TESK2: variants seen among roughly 807,000 people sequenced by gnomAD.
TESK2 encodes dual specificity testis-specific protein kinase 2.
In TESK2, 39 loss-of-function variants were observed where a neutral mutation model predicts 57.1. The ratio of observed to expected loss-of-function variants is 0.68; its 90% confidence interval spans 0.53 to 0.89. The LOEUF (loss-of-function observed/expected upper bound fraction) is 0.89, where lower values mean the gene tolerates loss of function less well. TESK2 is among the 40% of genes least tolerant of loss of function. The probability of loss-of-function intolerance (pLI) is 0.00; values close to 1 mark genes in which losing one functional copy is unlikely to be tolerated. For synonymous variants in TESK2, 249 were observed against 267.9 expected (o/e 0.93, Z 0.69); for missense variants, 646 against 732.1 (o/e 0.88, Z 1.36).
intron 2 of TESK2, among the ~76,000 whole-genome samples, chr1:45,426,533 T>C (rs937745924): frequency 7.9e-5 from 12 of 152,172 alleles, no homozygotes; most frequent in African/African-American, 2.9e-4. Flanking sequence ...AACTCTCCCA[T>C]TGGTCTGCAA....
At chr1:45,446,415 C>T (rs1257217356) in intron 2 of TESK2, among the ~76,000 whole-genome samples, 2 of 151,876 alleles carry the variant, frequency 1.3e-5, no homozygotes, top group Admixed American at 6.6e-5. Context: ...GAGCTATGAT[C>T]GTACTACTGC....
chr1:45,420,175 A>G (rs1365356704), intron 3 of TESK2, among the ~76,000 whole-genome samples: 3 of 152,190 alleles, frequency 2.0e-5, no homozygotes, highest in Non-Finnish European at 4.4e-5. Flanking sequence ...GGTGGATCAC[A>G]CCTGTAATCC....
intron 3 of TESK2, among the ~76,000 whole-genome samples, chr1:45,394,488 C>T (rs976249616): frequency 6.6e-6 from 1 of 150,702 alleles, no homozygotes; most frequent in Non-Finnish European, 1.5e-5. Flanking sequence ...GGAAACAAAC[C>T]CATGAAGGAT....
rs776325077 is a variant in TESK2, at chr1:45,432,213, TAGTC to T, written c.223-10371_223-10368del. Among the ~76,000 whole-genome samples, 12 of 151,882 alleles carry T rather than the reference TAGTC, an allele frequency of 7.9e-5. No homozygotes were observed. In the East Asian group the frequency reaches 2.2e-3, roughly 27 times the overall value. ...TACCCTGTCTCTACAGAAATAAAAA[TAGTC>T]AGGCATAGTGGTCCCAGCTACTTAG... On this transcript the variant is annotated intron_variant, in intron 2 of 10. Coordinates refer to ENST00000372086, the MANE Select transcript of TESK2 (RefSeq NM_007170.3).
In TESK2 at chr1:45,436,478, CTTTTTTTTTTTTTTT is replaced by C. The variant is rs35561877; in HGVS notation, c.223-14647_223-14633del. The stretch of plus-strand genomic sequence containing the variant: ...GGGATCATGAGCCACCGTGCCTGGC[CTTTTTTTTTTTTTTT>C]TTTTTTTTTTTTTGAGACGGAGTTT... On this transcript the variant is annotated intron_variant, in intron 2 of 10. Coordinates refer to ENST00000372086, the MANE Select transcript of TESK2 (RefSeq NM_007170.3). 2.0e-3 allele frequency among the ~76,000 whole-genome samples: 67 copies of C among 33,662 alleles called. 1 individual carries two copies. The East Asian group carries it at 0.049, about 25-fold the overall frequency. 22.1% of individuals were successfully genotyped at this position (33,662 alleles called of 152,430 possible).
At chr1:45,370,652 G>A (rs191136970) in intron 4 of TESK2, among the ~76,000 whole-genome samples, 1 of 152,288 alleles carries the variant, frequency 6.6e-6, no homozygotes, top group Admixed American at 6.5e-5. Context: ...TTGGGCCAGG[G>A]GGGATGAAGA....
At chr1:45,395,340 T>C (rs1331978484) in intron 3 of TESK2, among the ~76,000 whole-genome samples, 1 of 152,196 alleles carries the variant, frequency 6.6e-6, no homozygotes, top group Non-Finnish European at 1.5e-5. Flanking sequence ...AGCATATTAC[T>C]GTACTGAATA....
intron 7 of TESK2, 46 bp downstream of exon 7, chr1:45,347,563 G>A: frequency 6.4e-7 from 1 of 1,565,328 alleles, no homozygotes; most frequent in Non-Finnish European, 8.7e-7. Flanking sequence ...TCAAAAAAAA[G>A]AAAAAGAAAA....
chr1:45,473,919 C>T (rs1765709), intron 1 of TESK2, among the ~76,000 whole-genome samples: 84,600 of 151,626 alleles, frequency 0.56, 24,722 homozygotes, highest in African/African-American at 0.74. Context: ...CGCCTCAGCC[C>T]CCCAAAGTGC....
chr1:45,398,992 A>G, intron 3 of TESK2: 2 of 433,294 alleles, frequency 4.6e-6, no homozygotes, highest in Non-Finnish European at 9.0e-6. Flanking sequence ...TGAAAAAAAA[A>G]AAAAAAAAAA....
At chr1:45,376,405 G>T (rs1389526325) in intron 4 of TESK2, among the ~76,000 whole-genome samples, 1 of 149,048 alleles carries the variant, frequency 6.7e-6, no homozygotes, top group Non-Finnish European at 1.5e-5. Context: ...TTTTAGTAGA[G>T]ACAGGGTTTC....
Position 45,405,640 on chromosome 1 carries a change from ATATC to A in TESK2, c.344+16081_344+16084del, listed in dbSNP as rs1217753130. Reference sequence around the variant, plus strand: ...AACCCCATCTCTAAAAAATATATCTATATCTATATCTATATATAGATATATATAT... The same window carrying A: ...AACCCCATCTCTAAAAAATATATCTATATATCTATATATAGATATATATAT... On this transcript the variant is annotated intron_variant, in intron 3 of 10. Transcript: ENST00000372086. Among the ~76,000 whole-genome samples, 172 of 149,194 alleles carry A rather than the reference ATATC, an allele frequency of 1.2e-3. 2 individuals carry two copies. In the Middle Eastern group the frequency reaches 0.029, roughly 25 times the overall value.
In TESK2 at chr1:45,345,496, TGTG is replaced by T. The variant is rs892194905; in HGVS notation, c.1057_1059del (p.His353del). The T allele has an allele frequency of 3.1e-6, 5 of 1,613,982 alleles. No individual in the cohort carries two copies. The highest frequency in any genetic ancestry group is 1.3e-5 in the African/African-American group (1 of 74,874). On this transcript the variant is annotated inframe_deletion, in exon 11 of 11. Coordinates refer to ENST00000372086, the MANE Select transcript of TESK2 (RefSeq NM_007170.3). ...ATGGTACGTCTTGGGCATGGTGACT[TGTG>T]GGGGATCTTGTCATCCAGTGAGCTT...
intron 2 of TESK2, among the ~76,000 whole-genome samples, chr1:45,448,042 T>G (rs1285754111): frequency 4.1e-5 from 6 of 145,986 alleles, no homozygotes; most frequent in Middle Eastern, 3.5e-3. Context: ...TGTATTTTGT[T>G]TTTTTTTTTT....
chr1:45,355,470 C>T (rs1647381736), intron 4 of TESK2, 21 bp from the exon 5 acceptor site: 4 of 1,590,486 alleles, frequency 2.5e-6, no homozygotes, highest in Admixed American at 1.9e-5. Flanking sequence ...GAAGGAAAAC[C>T]CAGCTACCAT....
intron 1 of TESK2, among the ~76,000 whole-genome samples, chr1:45,478,703 G>T (rs1483215281): frequency 6.6e-6 from 1 of 151,368 alleles, no homozygotes; most frequent in Non-Finnish European, 1.5e-5. Context: ...AGTCCAAAAT[G>T]TTAACAATGG....
At chr1:45,466,052 A>G (rs907824413) in intron 1 of TESK2, among the ~76,000 whole-genome samples, 12 of 152,194 alleles carry the variant, frequency 7.9e-5, no homozygotes, top group Non-Finnish European at 1.6e-4. Context: ...ACACAAAATA[A>G]TATATACTAA....
intron 2 of TESK2, among the ~76,000 whole-genome samples, chr1:45,433,938 CA>C (rs532652296): frequency 9.2e-5 from 14 of 152,032 alleles, no homozygotes; most frequent in African/African-American, 3.1e-4. Context: ...GTATCTTCAT[CA>C]GATCTGGTTT....
chr1:45,418,665 A>G (rs1302665217), intron 3 of TESK2, among the ~76,000 whole-genome samples: 2 of 152,214 alleles, frequency 1.3e-5, no homozygotes, highest in African/African-American at 4.8e-5. Context: ...CACCCAGTAT[A>G]CAACATGCCT....
Sources: gnomAD v4.1 joint callset for allele counts (sites outside exome capture counted in the v4.1 genomes callset) on GRCh38, gnomAD v4.1.1 for gene constraint, MANE v1.5 for transcripts, NCBI Gene and HGNC (gene_info 2026-07-23, HGNC 2026-07-21) for gene names.